The following SLC2A5 variants were observed in gnomAD, a reference collection of about 807,000 sequenced individuals.
SLC2A5 encodes solute carrier family 2 member 5.
A neutral mutation model predicts 50.3 loss-of-function variants in SLC2A5; 56 were observed. The ratio of observed to expected loss-of-function variants is 1.11; its 90% CI spans 0.90 to 1.39. The LOEUF is 1.39. Ranked by LOEUF, SLC2A5 falls within the 40% of genes most tolerant of loss-of-function variation. SLC2A5 has a pLI of 0.00. For synonymous variants in SLC2A5, 269 were observed against 281.9 expected (o/e 0.95, Z 0.46); for missense variants, 566 against 650.1 (o/e 0.87, Z 1.41).
In SLC2A5 at chr1:9,038,905, G is replaced by C. The variant is rs764336149; in HGVS notation, c.1021C>G (p.Arg341Gly). 6.8e-6 allele frequency: 11 copies of C among 1,612,540 alleles called. No individual in the cohort carries two copies. The African/African-American group carries it at 1.5e-4, about 22-fold the overall frequency. Residue 341 changes from arginine to glycine, a missense_variant, in exon 9 of 12, where the codon CGG becomes GGG. Transcript: ENST00000377424. ...AAGCCCAGCAGCAGCAGCAGCCTCCGACCCAGGAGCTCCACCACGAACACC... is the reference window on the plus strand; with the variant it reads ...AAGCCCAGCAGCAGCAGCAGCCTCCCACCCAGGAGCTCCACCACGAACACC... ...CAVFVVELLG[R>G]RLLLLLGFSI... is the part of the protein sequence containing the mutation.
At chr1:9,039,481 G>T in intron 8 of SLC2A5, 71 bp downstream of exon 8, 1 of 1,158,200 alleles carries the variant, frequency 8.6e-7, no homozygotes, top group Non-Finnish European at 1.2e-6. Flanking sequence ...CCCTTTTGGC[G>T]GCGCCGAGGC....
At chr1:9,074,441 G>A (rs1305400189), upstream of SLC2A5, among the ~76,000 whole-genome samples, 1 of 152,066 alleles carries the variant, frequency 6.6e-6, no homozygotes, top group Non-Finnish European at 1.5e-5. Context: ...AAGAGAAAAG[G>A]TACAAGTAGA....
At chr1:9,052,837 G>C (rs1198448512) in intron 3 of SLC2A5, among the ~76,000 whole-genome samples, 1 of 151,398 alleles carries the variant, frequency 6.6e-6, no homozygotes, top group Non-Finnish European at 1.5e-5. Context: ...GAGCAACATA[G>C]CAAGACCCCA....
At chr1:9,064,224 A>G (rs549410888) in intron 1 of SLC2A5, among the ~76,000 whole-genome samples, 1 of 152,296 alleles carries the variant, frequency 6.6e-6, no homozygotes, top group African/African-American at 2.4e-5. Flanking sequence ...TAGTAGAAAG[A>G]AGGCTTAAGC....
chr1:9,059,556 T>TTTTTTTTTTA (rs1641854154), intron 1 of SLC2A5, among the ~76,000 whole-genome samples: 9 of 81,150 alleles, frequency 1.1e-4, no homozygotes, highest in Non-Finnish European at 1.5e-4. Context: ...TTTTTTTTTC[T>TTTTTTTTTTA]GAGACATTTC....
chr1:9,062,635 G>T (rs1194690721), intron 1 of SLC2A5, among the ~76,000 whole-genome samples: 1 of 152,134 alleles, frequency 6.6e-6, no homozygotes, highest in Non-Finnish European at 1.5e-5. Context: ...AGTTTGGGAG[G>T]CCAAGGCGGG....
chr1:9,077,586 C>G (rs971514620), intron 2 of SLC2A5, among the ~76,000 whole-genome samples: 7 of 140,324 alleles, frequency 5.0e-5, no homozygotes, highest in Admixed American at 3.6e-4. Context: ...ACTAAAAATA[C>G]AAAAAAAAAA....
chr1:9,059,105 C>T (rs965100711), intron 1 of SLC2A5, among the ~76,000 whole-genome samples: 6 of 151,052 alleles, frequency 4.0e-5, no homozygotes, highest in Admixed American at 6.6e-5. Flanking sequence ...GACCTTCTTC[C>T]ATCTACTCTG....
At chr1:9,038,049 C>T (rs1395013462) in intron 10 of SLC2A5, 25 bp from the exon 11 acceptor site, 5 of 1,612,312 alleles carry the variant, frequency 3.1e-6, no homozygotes, top group African/African-American at 1.3e-5. Flanking sequence ...GAGCAGCCTC[C>T]CTGAAGGCAG....
Position 9,038,422 on chromosome 1 carries a change from G to A in SLC2A5, c.1174+9C>T. On this transcript the variant is annotated intron_variant, in intron 10 of 11. Transcript: ENST00000377424. ...TTGTGACACCCTGAGGCCAGCTTTG[G>A]GTACGTACTGGGCCCGAGGGCATGT... 1.2e-6 allele frequency: 2 copies of A among 1,608,476 alleles called. No homozygotes were observed. Among genetic ancestry groups the A allele is most frequent in the Non-Finnish European group, 1.7e-6 (2 of 1,175,238 alleles).
Position 9,038,812 on chromosome 1 carries a change from C to G in SLC2A5, c.1098+16G>C. On this transcript the variant is annotated intron_variant, in intron 9 of 11. Transcript: ENST00000377424. ...TGGTGCAGCTCCGGGCTCCTGGGAC[C>G]CTGGCCTGTCCTCACCTGCAGTGCC... 1 of 1,578,308 alleles carries G rather than the reference C, an allele frequency of 6.3e-7. No individual in the cohort carries two copies. Among genetic ancestry groups the G allele is most frequent in the South Asian group, 1.2e-5 (1 of 86,570 alleles).
At chr1:9,065,615 A>G (rs945551480) in intron 1 of SLC2A5, among the ~76,000 whole-genome samples, 1 of 152,178 alleles carries the variant, frequency 6.6e-6, no homozygotes, top group African/African-American at 2.4e-5. Context: ...CAGTTTCTGG[A>G]GCCCAGGAGT....
chr1:9,085,492 A>C (rs1289820062), intron 1 of SLC2A5, among the ~76,000 whole-genome samples: 2 of 152,206 alleles, frequency 1.3e-5, no homozygotes, highest in Non-Finnish European at 2.9e-5. Context: ...TGGAGACCAA[A>C]GTTTTACCAT....
chr1:9,078,086 C>G (rs929421283), intron 2 of SLC2A5, among the ~76,000 whole-genome samples: 1 of 152,148 alleles, frequency 6.6e-6, no homozygotes, highest in Non-Finnish European at 1.5e-5. Flanking sequence ...GACAGTTCCC[C>G]GGAGCTGAGG....
rs780886767 is a variant in SLC2A5 at position 9,047,773 on chromosome 1, T to A, written c.294-39A>T. 3.1e-6 allele frequency: 5 copies of A among 1,603,606 alleles called. No individual in the cohort carries two copies. The East Asian group carries it at 1.1e-4, about 36-fold the overall frequency. ...AATATCAGTTAGTTTTGCTGAAGAA[T>A]TCACTCTTTCATTCAAGAAATGTTT... On this transcript the variant is annotated intron_variant, in intron 3 of 11. Transcript: ENST00000377424.
At chr1:9,074,065 G>A (rs370049854), upstream of SLC2A5, among the ~76,000 whole-genome samples, 209 of 149,692 alleles carry the variant, frequency 1.4e-3, 3 homozygotes, top group South Asian at 0.033. Flanking sequence ...GGGTGACAGC[G>A]CAAAACTCCA....
intron 3 of SLC2A5, chr1:9,049,150 C>T (rs148306466): frequency 2.4e-4 from 109 of 456,236 alleles, no homozygotes; most frequent in African/African-American, 1.8e-3. Flanking sequence ...GGGCCTCTCG[C>T]AATGGAGCCC....
Position 9,061,337 on chromosome 1 carries a change from C to T in SLC2A5, c.34-3087G>A, listed in dbSNP as rs1046851237. Among the ~76,000 whole-genome samples the T allele has an allele frequency of 4.7e-5, 7 of 148,494 alleles. 1 individual carries two copies. The highest frequency in any genetic ancestry group is 8.9e-5 in the Non-Finnish European group (6 of 67,264). On this transcript the variant is annotated intron_variant, in intron 1 of 11. Transcript: ENST00000377424. ...CCTTCTATCTGAGTGTGATGGCAAA[C>T]ACTTGAATCCCAGCACTTCGAGAAG...
At chr1:9,086,071 C>T (rs1241581379) in intron 1 of SLC2A5, among the ~76,000 whole-genome samples, 1 of 152,198 alleles carries the variant, frequency 6.6e-6, no homozygotes, top group Non-Finnish European at 1.5e-5. Flanking sequence ...AGGAAGGGAA[C>T]TAGTTAATAT....
Sources: gnomAD v4.1 joint callset for allele counts (sites outside exome capture counted in the v4.1 genomes callset) on GRCh38, gnomAD v4.1.1 for gene constraint, MANE v1.5 for transcripts, NCBI Gene and HGNC (gene_info 2026-07-23, HGNC 2026-07-21) for gene names.